Variants in XRRA1 observed in about 807,000 individuals in gnomAD.
XRRA1 encodes X-ray radiation resistance-associated protein 1.
Under a neutral mutation model 80.2 loss-of-function variants are expected in XRRA1, and 69 were observed. The ratio of observed to expected loss-of-function variants is 0.86; its 90% CI spans 0.71 to 1.05. XRRA1 has a LOEUF of 1.05. Among genes scored for constraint, XRRA1 ranks in the 50% least tolerant of loss-of-function variants. The pLI, the probability that XRRA1 is intolerant of heterozygous loss-of-function variation, is 0.00. For missense variants in XRRA1, 967 were observed against 976.4 expected, an observed-to-expected ratio of 0.99 and a Z score of 0.13; for synonymous variants, 348 against 389.9, an observed-to-expected ratio of 0.89 and a Z score of 1.27.
intron 10 of XRRA1, among the ~76,000 whole-genome samples, chr11:74,865,828 C>T (rs1478053615): frequency 6.6e-6 from 1 of 152,226 alleles, no homozygotes; most frequent in Non-Finnish European, 1.5e-5. Context: ...CCAACATTCC[C>T]ACATAGCCCC....
chr11:74,866,432 T>A (rs1365710306), intron 10 of XRRA1, among the ~76,000 whole-genome samples: 1 of 152,014 alleles, frequency 6.6e-6, no homozygotes, highest in Non-Finnish European at 1.5e-5. Flanking sequence ...GTTTTTATTT[T>A]TTTGTAGACA....
chr11:74,849,845 C>T (rs1438631646), intron 14 of XRRA1, among the ~76,000 whole-genome samples: 1 of 152,218 alleles, frequency 6.6e-6, no homozygotes, highest in Admixed American at 6.5e-5. Context: ...GCAGGTTCTC[C>T]ATTTTCCTCC....
intron 10 of XRRA1, among the ~76,000 whole-genome samples, chr11:74,871,179 C>A (rs1008656647): frequency 1.3e-5 from 2 of 152,320 alleles, no homozygotes; most frequent in Non-Finnish European, 2.9e-5. Context: ...ATTAGAGTTG[C>A]ATGGGTGAGT....
chr11:74,904,260 G>C (rs192049994), intron 10 of XRRA1, among the ~76,000 whole-genome samples: 2 of 152,272 alleles, frequency 1.3e-5, no homozygotes, highest in Non-Finnish European at 1.5e-5. Context: ...CATGTATTTG[G>C]TTGATTCTAG....
At chr11:74,900,446 G>C (rs2053361325) in intron 10 of XRRA1, among the ~76,000 whole-genome samples, 1 of 152,078 alleles carries the variant, frequency 6.6e-6, no homozygotes, top group African/African-American at 2.4e-5. Flanking sequence ...GCCAGGCATG[G>C]TGGCATATGC....
intron 8 of XRRA1, among the ~76,000 whole-genome samples, chr11:74,912,860 T>C (rs112517653): frequency 5.1e-4 from 78 of 152,320 alleles, no homozygotes; most frequent in African/African-American, 1.9e-3. Flanking sequence ...AGCTACACTA[T>C]GAACAACACA....
At chr11:74,880,407 A>C (rs556914941) in intron 10 of XRRA1, among the ~76,000 whole-genome samples, 1 of 151,656 alleles carries the variant, frequency 6.6e-6, no homozygotes, top group Non-Finnish European at 1.5e-5. Context: ...CCTTTCAAAA[A>C]ACCAGCTCCT....
chr11:74,867,922 T>TTTA (rs1275255961), intron 10 of XRRA1, among the ~76,000 whole-genome samples: 13 of 143,090 alleles, frequency 9.1e-5, no homozygotes, highest in Non-Finnish European at 1.9e-4. Flanking sequence ...TCAATCTTTT[T>TTTA]TTTTTTTTTT....
chr11:74,878,067 A>G (rs1181994474), intron 10 of XRRA1, among the ~76,000 whole-genome samples: 5 of 151,166 alleles, frequency 3.3e-5, no homozygotes, highest in African/African-American at 1.2e-4. Flanking sequence ...GAACTAGTTT[A>G]CAGTCCCACC....
chr11:74,879,341 T>C (rs886263737), intron 10 of XRRA1, among the ~76,000 whole-genome samples: 84 of 152,296 alleles, frequency 5.5e-4, no homozygotes, highest in African/African-American at 1.8e-3. Flanking sequence ...CTGAAGTTGC[T>C]TATCAGCTTA....
intron 1 of XRRA1, among the ~76,000 whole-genome samples, chr11:74,947,926 T>C (rs772549451): frequency 3.0e-4 from 46 of 152,112 alleles, no homozygotes; most frequent in Non-Finnish European, 5.7e-4. Flanking sequence ...GGTTTCACCA[T>C]GTTGGCCAGG....
chr11:74,945,391 A>C (rs1483892404), intron 1 of XRRA1, among the ~76,000 whole-genome samples: 5 of 152,218 alleles, frequency 3.3e-5, no homozygotes, highest in African/African-American at 1.2e-4. Context: ...TATTTACACA[A>C]AATAAATTTC....
At chr11:74,930,470 A>G in intron 5 of XRRA1, 98 bp from the exon 6 acceptor site, 1 of 918,736 alleles carries the variant, frequency 1.1e-6, no homozygotes. Context: ...AGAAGAAACA[A>G]AGACCTAAAG....
intron 10 of XRRA1, among the ~76,000 whole-genome samples, chr11:74,869,550 T>A (rs1210010495): frequency 6.6e-6 from 1 of 152,176 alleles, no homozygotes; most frequent in African/African-American, 2.4e-5. Flanking sequence ...ACATGGAGGC[T>A]CCATCTTTTC....
intron 12 of XRRA1, among the ~76,000 whole-genome samples, chr11:74,855,394 G>A (rs2040850055): frequency 6.6e-6 from 1 of 152,096 alleles, no homozygotes; most frequent in Non-Finnish European, 1.5e-5. Context: ...TTACAATTAA[G>A]AATTGATAAA....
chr11:74,849,072 T>C (rs10899045), intron 14 of XRRA1, among the ~76,000 whole-genome samples: 45,002 of 152,130 alleles, frequency 0.3, 7,130 homozygotes, highest in East Asian at 0.53. Flanking sequence ...CCATTCTCCC[T>C]CTCCTCCTCA....
intron 7 of XRRA1, among the ~76,000 whole-genome samples, chr11:74,922,107 A>G (rs1940988247): frequency 6.6e-6 from 1 of 151,980 alleles, no homozygotes; most frequent in Admixed American, 6.6e-5. Flanking sequence ...AATACAAAAA[A>G]TTAGCCAGGC....
intron 6 of XRRA1, among the ~76,000 whole-genome samples, chr11:74,928,854 C>T (rs1942865307): frequency 6.6e-6 from 1 of 152,062 alleles, no homozygotes; most frequent in Non-Finnish European, 1.5e-5. Context: ...TACCAAATTA[C>T]CTCCAAGATG....
intron 10 of XRRA1, among the ~76,000 whole-genome samples, chr11:74,901,963 A>C (rs2053637492): frequency 6.6e-6 from 1 of 152,250 alleles, no homozygotes; most frequent in South Asian, 2.1e-4. Context: ...CAAAGGAAAT[A>C]ATCAACAAAG....
Sources: gnomAD v4.1 joint callset for allele counts (sites outside exome capture counted in the v4.1 genomes callset) on GRCh38, gnomAD v4.1.1 for gene constraint, MANE v1.5 for transcripts, NCBI Gene and HGNC (gene_info 2026-07-23, HGNC 2026-07-21) for gene names.